The following C8orf34 variants were observed in gnomAD, a reference collection of about 807,000 sequenced individuals.
C8orf34 encodes chromosome 8 open reading frame 34, also known as uncharacterized protein C8orf34.
In C8orf34, 65 loss-of-function variants were observed where a neutral mutation model predicts 68.3. The observed-to-expected ratio is 0.95, with a 90% CI of 0.78 to 1.17. The LOEUF (loss-of-function observed/expected upper bound fraction) is 1.17. C8orf34 is among the 50% of genes most tolerant of loss of function. The probability of loss-of-function intolerance (pLI) is 0.00; values close to 1 mark genes in which losing one functional copy is unlikely to be tolerated. For synonymous variants in C8orf34, 244 were observed against 241.2 expected, an observed-to-expected ratio of 1.01 and a Z score of -0.11; for missense variants, 664 against 655.4, an observed-to-expected ratio of 1.01 and a Z score of -0.14.
chr8:68,788,494 C>T (rs2129529035), intron 12 of C8orf34, among the ~76,000 whole-genome samples: 1 of 152,238 alleles, frequency 6.6e-6, no homozygotes, highest in South Asian at 2.1e-4. Flanking sequence ...CTGTCACATT[C>T]AGGAATAGAG....
chr8:68,451,582 A>G (rs1811347075), intron 3 of C8orf34, among the ~76,000 whole-genome samples: 1 of 152,064 alleles, frequency 6.6e-6, no homozygotes, highest in South Asian at 2.1e-4. Context: ...CCCAAGGTGA[A>G]GGAGAGAGGT....
intron 11 of C8orf34, among the ~76,000 whole-genome samples, chr8:68,786,583 A>G (rs1823853121): frequency 6.6e-6 from 1 of 152,202 alleles, no homozygotes; most frequent in African/African-American, 2.4e-5. Flanking sequence ...GCCTTGGAAG[A>G]GGAGTGTTAA....
In C8orf34 at chr8:68,535,154, C is replaced by A. The variant is rs143247028; in HGVS notation, c.1105+2005C>A. ...TTCTTGTTTTTGAAATGGATTCCAG[C>A]AAAATGTATGTGATTGTGTCTATTT... On this transcript the variant is annotated intron_variant, in intron 7 of 13. Transcript: ENST00000518698. 152 of 984,728 alleles carry A rather than the reference C, an allele frequency of 1.5e-4. 1 individual carries two copies. The African/African-American group carries it at 2.4e-3, about 16-fold the overall frequency. 61.0% of individuals were successfully genotyped at this position (984,728 alleles called of 1,614,324 possible). A position where few individuals can be genotyped will look rare whatever the true frequency, so the allele number is the denominator to read the frequency against.
At chr8:68,812,864 A>G (rs2129530009) in intron 12 of C8orf34, among the ~76,000 whole-genome samples, 1 of 152,330 alleles carries the variant, frequency 6.6e-6, no homozygotes, top group South Asian at 2.1e-4. Context: ...CTCTAGAAAC[A>G]CAGATACATG....
intron 7 of C8orf34, among the ~76,000 whole-genome samples, chr8:68,558,026 G>A (rs746184341): frequency 1.2e-4 from 18 of 152,144 alleles, no homozygotes; most frequent in South Asian, 1.0e-3. Context: ...GAAAGAAAAC[G>A]TGGAAATGTT....
In C8orf34 at chr8:68,750,631, T is replaced by TA. The variant is rs200239917; in HGVS notation, c.1405-25761dup. Among the ~76,000 whole-genome samples, 967 of 152,176 alleles carry TA rather than the reference T, an allele frequency of 6.4e-3. 15 individuals are homozygous for TA. Among genetic ancestry groups the TA allele is most frequent in the African/African-American group, 0.021 (865 of 41,532 alleles). ...TTATGTTACGTGCATTTTACCATAA[T>TA]AAAAAAAGCTGTGTGTGATCCGCAA... On this transcript the variant is annotated intron_variant, in intron 10 of 13. Transcript: ENST00000518698.
chr8:68,706,214 A>G (rs1230041795), intron 8 of C8orf34, among the ~76,000 whole-genome samples: 1 of 152,230 alleles, frequency 6.6e-6, no homozygotes, highest in East Asian at 1.9e-4. Flanking sequence ...TGGTGGGTTA[A>G]TATAGGTTTG....
At chr8:68,550,257 C>G (rs1282797384) in intron 7 of C8orf34, among the ~76,000 whole-genome samples, 1 of 151,578 alleles carries the variant, frequency 6.6e-6, no homozygotes, top group African/African-American at 2.4e-5. Flanking sequence ...TGTCATACTT[C>G]TTACTTTTTT....
intron 8 of C8orf34, among the ~76,000 whole-genome samples, chr8:68,669,024 CA>C (rs1819928079): frequency 6.6e-6 from 1 of 152,126 alleles, no homozygotes; most frequent in Non-Finnish European, 1.5e-5. Context: ...CCAAGTTCAC[CA>C]GGACTCCTGA....
At chr8:68,614,721 C>CT (rs1818142253) in intron 7 of C8orf34, among the ~76,000 whole-genome samples, 2 of 152,092 alleles carry the variant, frequency 1.3e-5, no homozygotes, top group African/African-American at 4.8e-5. Flanking sequence ...GTCAGGAAGC[C>CT]TGATGCCTCC....
chr8:68,722,791 A>T (rs1294650120), intron 10 of C8orf34, among the ~76,000 whole-genome samples: 1 of 152,054 alleles, frequency 6.6e-6, no homozygotes, highest in East Asian at 1.9e-4. Flanking sequence ...AAACACACAC[A>T]TACATATATA....
At chr8:68,389,229 T>C (rs6995683) in intron 1 of C8orf34, among the ~76,000 whole-genome samples, 10,354 of 152,176 alleles carry the variant, frequency 0.068, 423 homozygotes, top group African/African-American at 0.12. Flanking sequence ...AAGTGGGCAA[T>C]TATAAAGTTC....
At chr8:68,626,638 G>A (rs143877065) in intron 7 of C8orf34, among the ~76,000 whole-genome samples, 42 of 152,220 alleles carry the variant, frequency 2.8e-4, no homozygotes, top group Non-Finnish European at 4.1e-4. Flanking sequence ...TACAAGGTTC[G>A]ATTATTAGGT....
At position 68,743,851 on chromosome 8, in the gene C8orf34, G is replaced by GC. The variant is rs575791772; in HGVS notation, c.1404+22418dup. Among the ~76,000 whole-genome samples, 863 of 152,346 alleles carry GC rather than the reference G, an allele frequency of 5.7e-3. 8 individuals are homozygous for GC. The highest frequency in any genetic ancestry group is 0.02 in the African/African-American group (817 of 41,582). On this transcript the variant is annotated intron_variant, in intron 10 of 13. Transcript: ENST00000518698. ...CAGGCTTGCTTAGGTAAACAAAGCA[G>GC]CCCCGGAGCTGGAACTGAGTGGAGC...
chr8:68,618,106 G>A (rs1818281272), intron 7 of C8orf34, among the ~76,000 whole-genome samples: 1 of 151,776 alleles, frequency 6.6e-6, no homozygotes, highest in Non-Finnish European at 1.5e-5. Flanking sequence ...TGTCTTGAAT[G>A]TCTCAAATGG....
At chr8:68,706,097 GAC>G (rs1821157126) in intron 8 of C8orf34, among the ~76,000 whole-genome samples, 1 of 152,158 alleles carries the variant, frequency 6.6e-6, no homozygotes, top group South Asian at 2.1e-4. Flanking sequence ...AAAAAAGAAA[GAC>G]AATCAAGAAG....
At chr8:68,546,329 T>C (rs995515157) in intron 7 of C8orf34, among the ~76,000 whole-genome samples, 6 of 151,950 alleles carry the variant, frequency 3.9e-5, no homozygotes, top group Non-Finnish European at 5.9e-5. Context: ...AGATTCACAC[T>C]CTGAAGGCCA....
chr8:68,694,253 C>G (rs185265358), intron 8 of C8orf34, among the ~76,000 whole-genome samples: 1 of 149,730 alleles, frequency 6.7e-6, no homozygotes, highest in Admixed American at 6.6e-5. Flanking sequence ...CCTATGCCCC[C>G]CTTGGGAATA....
intron 7 of C8orf34, among the ~76,000 whole-genome samples, chr8:68,568,065 G>A (rs575881824): frequency 1.3e-5 from 2 of 152,008 alleles, no homozygotes; most frequent in Middle Eastern, 3.2e-3. Flanking sequence ...TGGCTAGTTT[G>A]GGGGAGCAGT....
Sources: allele counts gnomAD v4.1 joint callset (sites outside exome capture counted in the v4.1 genomes callset), GRCh38; gene constraint gnomAD v4.1.1; transcripts MANE v1.5; gene names NCBI Gene and HGNC (gene_info 2026-07-23, HGNC 2026-07-21).